MYO16: variants seen among roughly 807,000 people sequenced by gnomAD.
The protein encoded by MYO16 is myosin XVI.
A neutral mutation model predicts 205.3 loss-of-function variants in MYO16; 94 were observed. The ratio of observed to expected loss-of-function variants is 0.46; its 90% CI spans 0.39 to 0.54. The LOEUF (loss-of-function observed/expected upper bound fraction) is 0.54, where lower values mean the gene tolerates loss of function less well. MYO16 is among the 20% of genes least tolerant of loss of function. The probability of loss-of-function intolerance (pLI) is 0.00; values close to 1 mark genes in which losing one functional copy is unlikely to be tolerated. For missense variants in MYO16, 2,315 were observed against 2,387.5 expected (o/e 0.97, Z 0.63); for synonymous variants, 988 against 954.0 (o/e 1.04, Z -0.66).
the MYO16 span, among the ~76,000 whole-genome samples, chr13:108,542,483 A>AT: frequency 5.3e-5 from 8 of 151,962 alleles, no homozygotes; most frequent in Non-Finnish European, 8.8e-5. Context: ...AAGTTAAAAT[A>AT]TTTTTTAAAA....
chr13:109,145,733 T>C (rs1038074007), intron 32 of MYO16, among the ~76,000 whole-genome samples: 6 of 152,356 alleles, frequency 3.9e-5, no homozygotes, highest in African/African-American at 1.4e-4. Context: ...TTGGCTCCTT[T>C]AGGCCACTAG....
chr13:108,556,539 A>C, the MYO16 span, among the ~76,000 whole-genome samples: 2 of 152,118 alleles, frequency 1.3e-5, no homozygotes, highest in African/African-American at 4.8e-5. Flanking sequence ...ATAATCTCTC[A>C]TCAGATATAT....
chr13:109,020,447 G>A (rs1885981730), intron 23 of MYO16, among the ~76,000 whole-genome samples: 1 of 151,566 alleles, frequency 6.6e-6, no homozygotes. Flanking sequence ...GCTAATATCA[G>A]GTTTCTCCAA....
intron 1 of MYO16, among the ~76,000 whole-genome samples, chr13:108,615,966 C>T (rs921001432): frequency 3.9e-5 from 6 of 152,260 alleles, no homozygotes; most frequent in African/African-American, 1.4e-4. Context: ...AAATGCAGTC[C>T]CTTATATCCT....
chr13:108,887,099 T>C (rs1435677779), intron 13 of MYO16, among the ~76,000 whole-genome samples: 1 of 152,152 alleles, frequency 6.6e-6, no homozygotes, highest in Non-Finnish European at 1.5e-5. Flanking sequence ...AAGGGTAATT[T>C]AAGATTTAGC....
chr13:108,524,715 A>G, the MYO16 span, among the ~76,000 whole-genome samples: 1 of 152,168 alleles, frequency 6.6e-6, no homozygotes, highest in Non-Finnish European at 1.5e-5. Context: ...ATTCTCCACT[A>G]TGAAAAATGA....
chr13:108,796,815 T>A (rs7989600), intron 6 of MYO16, among the ~76,000 whole-genome samples: 1 of 133,314 alleles, frequency 7.5e-6, no homozygotes, highest in Non-Finnish European at 1.6e-5. Context: ...ATACCTAATG[T>A]AAAATGACGA....
At chr13:108,604,435 T>A (rs1348804307) in intron 1 of MYO16, among the ~76,000 whole-genome samples, 1 of 152,136 alleles carries the variant, frequency 6.6e-6, no homozygotes. Flanking sequence ...GGAAATGAAG[T>A]AACATTTAGA....
intron 3 of MYO16, among the ~76,000 whole-genome samples, chr13:108,714,990 C>G (rs185273615): frequency 9.0e-4 from 137 of 152,236 alleles, no homozygotes; most frequent in African/African-American, 3.2e-3. Flanking sequence ...ATACTGTTTC[C>G]CATTCACAGC....
At chr13:108,602,266 C>A (rs1472766521) in intron 1 of MYO16, among the ~76,000 whole-genome samples, 4 of 152,092 alleles carry the variant, frequency 2.6e-5, no homozygotes, top group Admixed American at 1.3e-4. Context: ...CCTGAATGGA[C>A]TGAGGCACCA....
intron 27 of MYO16, among the ~76,000 whole-genome samples, chr13:109,087,273 C>A (rs1888461818): frequency 6.6e-6 from 1 of 152,222 alleles, no homozygotes; most frequent in Non-Finnish European, 1.5e-5. Flanking sequence ...ACAGTAGATT[C>A]ATATGGTAGT....
intron 27 of MYO16, among the ~76,000 whole-genome samples, chr13:109,065,913 G>T (rs1037173100): frequency 6.6e-6 from 1 of 152,186 alleles, no homozygotes; most frequent in African/African-American, 2.4e-5. Flanking sequence ...AACTTATTTG[G>T]AAAAGACAGA....
chr13:108,925,232 A>G (rs757522597), intron 16 of MYO16, among the ~76,000 whole-genome samples: 9 of 152,146 alleles, frequency 5.9e-5, no homozygotes, highest in Non-Finnish European at 8.8e-5. Flanking sequence ...ATCTTTTAAA[A>G]CAATGAAGTC....
rs548047666 is a variant in MYO16 at position 109,166,088 on chromosome 13, G to A, written c.5323+1029G>A. Among the ~76,000 whole-genome samples, 112 of 152,256 alleles carry A rather than the reference G, an allele frequency of 7.4e-4. 1 individual carries two copies. Among genetic ancestry groups the A allele is most frequent in the Middle Eastern group, 6.8e-3 (2 of 294 alleles). On this transcript the variant is annotated intron_variant, in intron 33 of 34. Coordinates refer to ENST00000457511, the MANE Select transcript of MYO16 (RefSeq NM_001198950.3). ...ACACAGTTAGAAATAACCAGGCATA[G>A]GAGCACACAAAATAAGATAAAAAAT...
At chr13:108,644,411 T>C (rs982754323) in intron 1 of MYO16, among the ~76,000 whole-genome samples, 16 of 138,630 alleles carry the variant, frequency 1.2e-4, no homozygotes, top group African/African-American at 4.4e-4. Context: ...TATCTATCTA[T>C]CTATCATCTG....
At chr13:108,981,795 A>G (rs749878184) in intron 20 of MYO16, among the ~76,000 whole-genome samples, 1 of 152,242 alleles carries the variant, frequency 6.6e-6, no homozygotes, top group African/African-American at 2.4e-5. Context: ...TTGACTTGCT[A>G]CAAGTCTCTA....
chr13:108,703,874 AT>A (rs1883401230), intron 2 of MYO16, among the ~76,000 whole-genome samples: 1 of 152,172 alleles, frequency 6.6e-6, no homozygotes, highest in African/African-American at 2.4e-5. Context: ...ATGTGACTGT[AT>A]TTGGGAACAG....
intron 32 of MYO16, among the ~76,000 whole-genome samples, chr13:109,163,664 T>C (rs564229872): frequency 6.6e-6 from 1 of 152,208 alleles, no homozygotes; most frequent in South Asian, 2.1e-4. Context: ...CTTTTCAGCA[T>C]GGAAATGACA....
At chr13:109,168,548 A>G (rs1175551960) in intron 33 of MYO16, among the ~76,000 whole-genome samples, 1 of 151,838 alleles carries the variant, frequency 6.6e-6, no homozygotes, top group Non-Finnish European at 1.5e-5. Context: ...ACATGGTGAA[A>G]CCCCCATCTC....
Sources: allele counts gnomAD v4.1 joint callset (sites outside exome capture counted in the v4.1 genomes callset), GRCh38; gene constraint gnomAD v4.1.1; transcripts MANE v1.5; gene names NCBI Gene and HGNC (gene_info 2026-07-23, HGNC 2026-07-21).